HS3ST4: variants seen among roughly 807,000 people sequenced by gnomAD.
HS3ST4 encodes heparan sulfate-glucosamine 3-sulfotransferase 4.
HS3ST4 carries 17 observed loss-of-function variants against 29.2 expected under a neutral mutation model. The ratio of observed to expected loss-of-function variants is 0.58; its 90% CI spans 0.40 to 0.87. The LOEUF is 0.87. HS3ST4 is among the 40% of genes least tolerant of loss of function. The pLI is 0.00. For synonymous variants in HS3ST4, 314 were observed against 285.7 expected, an observed-to-expected ratio of 1.10 and a Z score of -1.00; for missense variants, 627 against 634.5, an observed-to-expected ratio of 0.99 and a Z score of 0.13.
At chr16:25,732,371 C>T (rs1966575873) in intron 1 of HS3ST4, among the ~76,000 whole-genome samples, 1 of 152,158 alleles carries the variant, frequency 6.6e-6, no homozygotes, top group African/African-American at 2.4e-5. Flanking sequence ...TTGATATTCC[C>T]ATCTTGACTG....
At chr16:25,982,683 G>T (rs968196935) in intron 1 of HS3ST4, among the ~76,000 whole-genome samples, 1 of 151,882 alleles carries the variant, frequency 6.6e-6, no homozygotes, top group South Asian at 2.1e-4. Context: ...TTTTTAAACC[G>T]GTAGGGTATG....
chr16:25,811,798 C>T (rs1282680592), intron 1 of HS3ST4, among the ~76,000 whole-genome samples: 2 of 152,118 alleles, frequency 1.3e-5, no homozygotes, highest in Non-Finnish European at 1.5e-5. Context: ...AAATAACATA[C>T]ATGTGTTAAT....
intron 1 of HS3ST4, among the ~76,000 whole-genome samples, chr16:25,844,900 A>G (rs760846686): frequency 1.3e-5 from 2 of 152,208 alleles, no homozygotes; most frequent in Admixed American, 6.5e-5. Flanking sequence ...TCTTTGCAGG[A>G]CATGGATGAA....
chr16:25,858,515 T>A (rs980330443), intron 1 of HS3ST4, among the ~76,000 whole-genome samples: 1 of 152,160 alleles, frequency 6.6e-6, no homozygotes, highest in Non-Finnish European at 1.5e-5. Flanking sequence ...TTAACACATA[T>A]CCTATGGTAC....
At chr16:25,737,284 A>G (rs1409596119) in intron 1 of HS3ST4, among the ~76,000 whole-genome samples, 1 of 152,182 alleles carries the variant, frequency 6.6e-6, no homozygotes, top group Non-Finnish European at 1.5e-5. Flanking sequence ...ACACTTGGCC[A>G]GTGGTGATAC....
chr16:26,099,637 T>C (rs1898968856), intron 1 of HS3ST4, among the ~76,000 whole-genome samples: 1 of 152,238 alleles, frequency 6.6e-6, no homozygotes, highest in Admixed American at 6.5e-5. Flanking sequence ...TTTGTTCACA[T>C]TCATTTATTT....
chr16:25,902,121 A>G (rs1376220443), intron 1 of HS3ST4, among the ~76,000 whole-genome samples: 1 of 152,048 alleles, frequency 6.6e-6, no homozygotes, highest in Non-Finnish European at 1.5e-5. Flanking sequence ...CCTGCCCCCA[A>G]CCAAATTGAT....
intron 1 of HS3ST4, among the ~76,000 whole-genome samples, chr16:25,944,575 G>C (rs940532972): frequency 3.3e-5 from 5 of 152,254 alleles, no homozygotes; most frequent in Non-Finnish European, 5.9e-5. Flanking sequence ...CTGGGCCTAA[G>C]TTGAGACATT....
chr16:25,881,955 C>T (rs537262965), intron 1 of HS3ST4, among the ~76,000 whole-genome samples: 1 of 152,276 alleles, frequency 6.6e-6, no homozygotes, highest in Admixed American at 6.5e-5. Context: ...AAAGTCTTTT[C>T]TGAATGAAGA....
In HS3ST4 at chr16:25,692,787, G is replaced by A. The variant is rs1412687113; in HGVS notation, c.370G>A (p.Asp124Asn). 10 of 1,362,008 alleles carry A rather than the reference G, an allele frequency of 7.3e-6. No individual in the cohort carries two copies. The highest frequency in any genetic ancestry group is 7.5e-6 in the Non-Finnish European group (8 of 1,067,524). The allele number at this position is 1,362,008 out of a possible 1,614,324, so 84.4% of individuals were successfully genotyped here. ...AGAGCAGCCAGCCGCCCCCGGGACC[G>A]ACGGCTGGGGGCTGCCGAGCGGCGG... ...PPEQPAAPGT[D>N]GWGLPSGGGG... is the part of the protein sequence containing the mutation. The change falls in exon 1 of 2, where the codon GAC (aspartate) becomes AAC (asparagine). Residue 124 changes from aspartate (D) to asparagine (N), a missense_variant. By Grantham distance (23) the Asp-to-Asn change is conservative. Transcript: ENST00000331351.
chr16:25,733,746 G>A (rs935156811), intron 1 of HS3ST4, among the ~76,000 whole-genome samples: 1 of 152,136 alleles, frequency 6.6e-6, no homozygotes, highest in Non-Finnish European at 1.5e-5. Context: ...TCTGAAAAAT[G>A]GTGTGGAATT....
At chr16:26,116,046 A>G (rs147086721) in intron 1 of HS3ST4, among the ~76,000 whole-genome samples, 1 of 152,328 alleles carries the variant, frequency 6.6e-6, no homozygotes, top group Non-Finnish European at 1.5e-5. Flanking sequence ...AGGGTCTCTT[A>G]CAAAGATCCA....
chr16:25,984,482 T>G (rs1969041090), intron 1 of HS3ST4, among the ~76,000 whole-genome samples: 1 of 152,104 alleles, frequency 6.6e-6, no homozygotes. Context: ...TGTAACCAGG[T>G]TTCTAATAGG....
intron 1 of HS3ST4, among the ~76,000 whole-genome samples, chr16:25,778,353 T>C (rs540693735): frequency 6.6e-6 from 1 of 152,284 alleles, no homozygotes; most frequent in African/African-American, 2.4e-5. Flanking sequence ...TGGTTCCCCT[T>C]TGAGCCTCCT....
chr16:26,002,028 G>A (rs1969215943), intron 1 of HS3ST4, among the ~76,000 whole-genome samples: 1 of 152,116 alleles, frequency 6.6e-6, no homozygotes, highest in Admixed American at 6.6e-5. Flanking sequence ...AACCCTGAGT[G>A]GATGATAATG....
intron 1 of HS3ST4, among the ~76,000 whole-genome samples, chr16:25,888,856 G>A (rs1024145747): frequency 3.3e-5 from 5 of 152,146 alleles, no homozygotes; most frequent in Admixed American, 2.6e-4. Flanking sequence ...TGGAAGCTGA[G>A]GCCTATTTCA....
intron 1 of HS3ST4, among the ~76,000 whole-genome samples, chr16:25,975,418 G>A (rs1401870017): frequency 2.6e-5 from 4 of 151,946 alleles, no homozygotes; most frequent in Non-Finnish European, 5.9e-5. Flanking sequence ...CCATATATTC[G>A]GCATATTGGT....
intron 1 of HS3ST4, among the ~76,000 whole-genome samples, chr16:26,033,964 T>C (rs946269870): frequency 6.6e-6 from 1 of 152,166 alleles, no homozygotes; most frequent in African/African-American, 2.4e-5. Flanking sequence ...ACTTTGCATA[T>C]AGTATTGCTT....
intron 1 of HS3ST4, among the ~76,000 whole-genome samples, chr16:25,831,308 A>G (rs1967295221): frequency 6.6e-6 from 1 of 151,832 alleles, no homozygotes; most frequent in Non-Finnish European, 1.5e-5. Flanking sequence ...CACACCTGTA[A>G]TCCTAGCACC....
Sources: gnomAD v4.1 joint callset for allele counts (sites outside exome capture counted in the v4.1 genomes callset) on GRCh38, gnomAD v4.1.1 for gene constraint, MANE v1.5 for transcripts, NCBI Gene and HGNC (gene_info 2026-07-23, HGNC 2026-07-21) for gene names.